Variants in PDIA5 observed in about 807,000 individuals in gnomAD.
The protein encoded by PDIA5 is protein disulfide-isomerase A5.
PDIA5 carries 58 observed loss-of-function variants against 77.6 expected under a neutral mutation model. The ratio of observed to expected loss-of-function variants is 0.75; its 90% CI spans 0.61 to 0.93. The LOEUF (loss-of-function observed/expected upper bound fraction) is 0.93. PDIA5 is among the 40% of genes least tolerant of loss of function. The pLI, the probability that PDIA5 is intolerant of heterozygous loss-of-function variation, is 0.00. For synonymous variants in PDIA5, 250 were observed against 252.1 expected, an observed-to-expected ratio of 0.99 and a Z score of 0.08; for missense variants, 630 against 647.7, an observed-to-expected ratio of 0.97 and a Z score of 0.30.
At chr3:123,152,192 C>T (rs1194971480) in intron 14 of PDIA5, among the ~76,000 whole-genome samples, 1 of 152,164 alleles carries the variant, frequency 6.6e-6, no homozygotes. Context: ...TGCCTTCCCA[C>T]CTGTCTTCCA....
chr3:123,156,041 G>A (rs1374500158), intron 15 of PDIA5, among the ~76,000 whole-genome samples: 1 of 152,138 alleles, frequency 6.6e-6, no homozygotes, highest in Non-Finnish European at 1.5e-5. Flanking sequence ...GGGTGGGCAG[G>A]GTTTGAAGTT....
In PDIA5 at chr3:123,067,097, A is replaced by G; in HGVS notation, c.-68A>G. 8.3e-7 allele frequency: 1 copy of G among 1,200,552 alleles called. No homozygotes were observed. Among genetic ancestry groups the G allele is most frequent in the Non-Finnish European group, 1.0e-6 (1 of 956,552 alleles). 74.4% of individuals were successfully genotyped at this position (1,200,552 alleles called of 1,614,324 possible). Reference sequence around the variant, plus strand: ...CGTGGTGGTTGGCCGCGGTGGAGCTAGCAGGCGGGCGGGCGGGAGCGGGCG... The same window carrying G: ...CGTGGTGGTTGGCCGCGGTGGAGCTGGCAGGCGGGCGGGCGGGAGCGGGCG... On this transcript the variant is annotated 5_prime_UTR_variant, in exon 1 of 17. Coordinates refer to ENST00000316218, the MANE Select transcript of PDIA5 (RefSeq NM_006810.4).
At chr3:123,085,346 A>G (rs565855057) in intron 1 of PDIA5, among the ~76,000 whole-genome samples, 32 of 151,990 alleles carry the variant, frequency 2.1e-4, no homozygotes, top group Non-Finnish European at 4.3e-4. Context: ...CGGATTGGCT[A>G]TGGGTGATGC....
At chr3:123,110,027 C>T (rs1016964604) in intron 6 of PDIA5, among the ~76,000 whole-genome samples, 5 of 152,114 alleles carry the variant, frequency 3.3e-5, no homozygotes, top group African/African-American at 4.8e-5. Flanking sequence ...AAGAGAAAAC[C>T]CTCTCATTTT....
intron 11 of PDIA5, among the ~76,000 whole-genome samples, chr3:123,134,328 G>T (rs1473765440): frequency 6.6e-6 from 1 of 152,174 alleles, no homozygotes. Context: ...GGAAGGGAAA[G>T]GGTCTTCAGC....
chr3:123,072,084 T>G (rs1407794293), intron 1 of PDIA5, among the ~76,000 whole-genome samples: 2 of 131,244 alleles, frequency 1.5e-5, no homozygotes, highest in Non-Finnish European at 3.2e-5. Context: ...GCTGCCCTTT[T>G]AATAACAAGA....
chr3:123,074,942 T>C (rs931950734), intron 1 of PDIA5, among the ~76,000 whole-genome samples: 2 of 152,176 alleles, frequency 1.3e-5, no homozygotes, highest in African/African-American at 2.4e-5. Context: ...GGACCAGCTG[T>C]GTTCTAGGGG....
At chr3:123,099,039 G>A (rs1675987527) in intron 3 of PDIA5, among the ~76,000 whole-genome samples, 1 of 150,740 alleles carries the variant, frequency 6.6e-6, no homozygotes, top group Non-Finnish European at 1.5e-5. Flanking sequence ...CACAATTAGT[G>A]TGTGCACACA....
intron 2 of PDIA5, among the ~76,000 whole-genome samples, chr3:123,090,548 G>A (rs1049334671): frequency 6.6e-6 from 1 of 152,202 alleles, no homozygotes; most frequent in Non-Finnish European, 1.5e-5. Flanking sequence ...TGGGAGTAGC[G>A]GACTTGTTTG....
chr3:123,072,708 C>T (rs1933752639), intron 1 of PDIA5, among the ~76,000 whole-genome samples: 1 of 152,208 alleles, frequency 6.6e-6, no homozygotes, highest in Non-Finnish European at 1.5e-5. Flanking sequence ...AATGAAGACA[C>T]CAAACACACT....
At chr3:123,078,147 T>C (rs992614348) in intron 1 of PDIA5, among the ~76,000 whole-genome samples, 3 of 152,222 alleles carry the variant, frequency 2.0e-5, no homozygotes, top group African/African-American at 7.2e-5. Flanking sequence ...ATCAAAACCA[T>C]TCTACAAGTA....
chr3:123,159,762 G>A (rs559964922), intron 15 of PDIA5, among the ~76,000 whole-genome samples: 1 of 152,228 alleles, frequency 6.6e-6, no homozygotes, highest in African/African-American at 2.4e-5. Context: ...AAGAGTAGAA[G>A]GGAAGCGTGA....
At chr3:123,070,052 T>C (rs534161240) in intron 1 of PDIA5, among the ~76,000 whole-genome samples, 1 of 145,266 alleles carries the variant, frequency 6.9e-6, no homozygotes, top group South Asian at 2.2e-4. Context: ...ATCGCGCCAC[T>C]GCACTCCAGC....
chr3:123,097,501 T>C (rs1425639202), intron 3 of PDIA5, among the ~76,000 whole-genome samples: 1 of 152,190 alleles, frequency 6.6e-6, no homozygotes. Flanking sequence ...GGAGCCCTGT[T>C]GTAGGGAATC....
At chr3:123,151,784 C>CCTGGT (rs1935905209) in intron 14 of PDIA5, among the ~76,000 whole-genome samples, 1 of 140,684 alleles carries the variant, frequency 7.1e-6, no homozygotes, top group Non-Finnish European at 1.6e-5. Context: ...GCCTGCCTGG[C>CCTGGT]CTGCCTTCCT....
In PDIA5 at chr3:123,067,130, G is replaced by A; in HGVS notation, c.-35G>A. 1.2e-5 allele frequency: 15 copies of A among 1,242,850 alleles called. No individual in the cohort carries two copies. The highest frequency in any genetic ancestry group is 1.5e-5 in the Non-Finnish European group (15 of 990,528). 77.0% of individuals were successfully genotyped at this position (1,242,850 alleles called of 1,614,324 possible). ...GGCGGGCGGGAGCGGGCGCCGGAGT[G>A]GAGAAAGGAGCCAGCGGTGGGCAGC... On this transcript the variant is annotated 5_prime_UTR_variant, in exon 1 of 17. Coordinates refer to ENST00000316218, the MANE Select transcript of PDIA5 (RefSeq NM_006810.4).
At chr3:123,091,860 G>A (rs1934293519) in intron 2 of PDIA5, among the ~76,000 whole-genome samples, 1 of 152,220 alleles carries the variant, frequency 6.6e-6, no homozygotes, top group Non-Finnish European at 1.5e-5. Flanking sequence ...ATGAGCGTGT[G>A]CTGCACAAGT....
chr3:123,111,018 C>T lies in PDIA5; in HGVS notation c.541+14C>T, dbSNP rs551712096. 2.0e-5 allele frequency: 32 copies of T among 1,609,542 alleles called. No individual in the cohort carries two copies. In the African/African-American group the frequency reaches 2.0e-4, roughly 10 times the overall value. ...TTTATGCCCCCTGTGAGTGAACTTT[C>T]TCCCTTGGGCCAGAGCTAGTTGTTT... On this transcript the variant is annotated intron_variant, in intron 7 of 16. Transcript: ENST00000316218.
intron 15 of PDIA5, among the ~76,000 whole-genome samples, chr3:123,160,108 G>A (rs1034261998): frequency 1.3e-5 from 2 of 152,160 alleles, no homozygotes; most frequent in Non-Finnish European, 2.9e-5. Context: ...TGTCAAGGTC[G>A]ACGTTGTCCC....
Sources: gnomAD v4.1 joint callset for allele counts (sites outside exome capture counted in the v4.1 genomes callset) on GRCh38, gnomAD v4.1.1 for gene constraint, MANE v1.5 for transcripts, NCBI Gene and HGNC (gene_info 2026-07-23, HGNC 2026-07-21) for gene names.